Variants in DROSHA observed in about 807,000 individuals in gnomAD.
DROSHA encodes the protein drosha ribonuclease III, also known as ribonuclease 3.
DROSHA carries 56 observed loss-of-function variants against 181.9 expected under a neutral mutation model. The ratio of observed to expected loss-of-function variants is 0.31; its 90% CI spans 0.25 to 0.38. DROSHA has a LOEUF of 0.38. Among genes scored for constraint, DROSHA ranks in the 10% least tolerant of loss-of-function variants. The pLI, the probability that DROSHA is intolerant of heterozygous loss-of-function variation, is 1.00. For missense variants in DROSHA, 1,218 were observed against 1,743.5 expected (o/e 0.70, Z 5.37); for synonymous variants, 524 against 591.2 (o/e 0.89, Z 1.65).
rs925934508 is a variant in DROSHA, at chr5:31,511,016, G to A, written c.1432+19C>T. The A allele has an allele frequency of 6.2e-7, 1 of 1,613,672 alleles. No individual in the cohort carries two copies. Among genetic ancestry groups the A allele is most frequent in the South Asian group, 1.1e-5 (1 of 90,960 alleles). On this transcript the variant is annotated intron_variant, in intron 9 of 35. Coordinates refer to ENST00000344624, the MANE Select transcript of DROSHA (RefSeq NM_001382508.1). ...CTATAATCGCAAGGGTCTCAGGCTA[G>A]TTAGTGACTCTGACTCACCTAAATC... is the stretch of plus-strand genomic sequence containing the variant.
intron 23 of DROSHA, among the ~76,000 whole-genome samples, chr5:31,439,285 TGC>T (rs1745261969): frequency 6.6e-6 from 1 of 152,232 alleles, no homozygotes; most frequent in Non-Finnish European, 1.5e-5. Context: ...TAAAATCCTG[TGC>T]TGTCCCACCC....
intron 4 of DROSHA, among the ~76,000 whole-genome samples, chr5:31,527,731 C>T (rs564056502): frequency 6.6e-6 from 1 of 152,212 alleles, no homozygotes; most frequent in Non-Finnish European, 1.5e-5. Context: ...CCTGGCTGTG[C>T]TGGTACCCTG....
intron 17 of DROSHA, among the ~76,000 whole-genome samples, chr5:31,471,693 C>A (rs1177030159): frequency 4.6e-5 from 7 of 152,074 alleles, no homozygotes; most frequent in Admixed American, 4.6e-4. Flanking sequence ...TGAACTAAGA[C>A]ATTTCCCGCC....
intron 16 of DROSHA, among the ~76,000 whole-genome samples, chr5:31,473,779 A>G (rs1750033946): frequency 6.6e-6 from 1 of 152,224 alleles, no homozygotes; most frequent in Admixed American, 6.5e-5. Context: ...GAGGAGAAGA[A>G]AGAGCAAATG....
chr5:31,498,179 A>G (rs1034395069), intron 11 of DROSHA, among the ~76,000 whole-genome samples: 7 of 152,168 alleles, frequency 4.6e-5, no homozygotes, highest in African/African-American at 1.4e-4. Context: ...ACAGGCTGAC[A>G]CGGACAACAC....
intron 18 of DROSHA, among the ~76,000 whole-genome samples, chr5:31,466,646 T>G (rs899618063): frequency 6.6e-6 from 1 of 152,182 alleles, no homozygotes; most frequent in Non-Finnish European, 1.5e-5. Context: ...ATATACACTT[T>G]CTGATATTTG....
At chr5:31,499,965 G>T (rs10065450) in intron 11 of DROSHA, among the ~76,000 whole-genome samples, 9,922 of 152,190 alleles carry the variant, frequency 0.065, 1,083 homozygotes, top group African/African-American at 0.23. Flanking sequence ...CCTGTGAGAG[G>T]GGCCAAGCCT....
intron 28 of DROSHA, 186 bp from the exon 29 acceptor site, chr5:31,423,130 G>A (rs956516995): frequency 3.6e-6 from 2 of 552,422 alleles, no homozygotes; most frequent in Non-Finnish European, 3.0e-6. Context: ...ATTTAAAGAA[G>A]GTTCAAATAA....
Position 31,422,896 on chromosome 5 carries a change from G to A in DROSHA, c.3310C>T (p.Leu1104=). Residue 1104 remains leucine (L), a synonymous_variant, in exon 29 of 36, where the codon CTA becomes TTA. Transcript: ENST00000344624. ...TCTTCAAACTCAGTAAGTTTTTGTAGAACTGGAGAAGTTTCAATAAGTTGT... is the reference window on the plus strand; with the variant it reads ...TCTTCAAACTCAGTAAGTTTTTGTAAAACTGGAGAAGTTTCAATAAGTTGT... ...DRQLIETSPV[L]QKLTEFEEAI... 6.2e-7 allele frequency: 1 copy of A among 1,612,364 alleles called. No individual in the cohort carries two copies. Among genetic ancestry groups the A allele is most frequent in the Non-Finnish European group, 8.5e-7 (1 of 1,179,268 alleles).
intron 11 of DROSHA, among the ~76,000 whole-genome samples, chr5:31,500,794 C>T (rs949799456): frequency 1.3e-5 from 2 of 152,274 alleles, no homozygotes; most frequent in East Asian, 3.9e-4. Flanking sequence ...GTGCTGGAAG[C>T]CAGGCCAAAG....
Position 31,485,063 on chromosome 5 carries a change from A to G in DROSHA, c.1915-101T>C, listed in dbSNP as rs537276357. 100 of 783,992 alleles carry G rather than the reference A, an allele frequency of 1.3e-4. No homozygotes were observed. The African/African-American group carries it at 1.7e-3, about 13-fold the overall frequency. 48.6% of individuals were successfully genotyped at this position (783,992 alleles called of 1,614,324 possible). On this transcript the variant is annotated intron_variant, in intron 14 of 35. Transcript: ENST00000344624. ...CAAGTGTCTTTAAAAGTGTCTGTTA[A>G]AACTATACTAAGACCATATAGTTTC...
intron 31 of DROSHA, 31 bp downstream of exon 31, chr5:31,410,715 G>C (rs753692237): frequency 6.2e-7 from 1 of 1,604,284 alleles, no homozygotes; most frequent in South Asian, 1.1e-5. Context: ...CTCTGAACCT[G>C]GAGGTTGAGA....
At chr5:31,478,595 A>G (rs1486594588) in intron 16 of DROSHA, among the ~76,000 whole-genome samples, 2 of 152,164 alleles carry the variant, frequency 1.3e-5, no homozygotes, top group South Asian at 4.1e-4. Context: ...TTAGCCAGGC[A>G]TGGTGGCAGG....
At chr5:31,421,180 A>T in intron 30 of DROSHA, 92 bp downstream of exon 30, 1 of 992,910 alleles carries the variant, frequency 1.0e-6, no homozygotes, top group Non-Finnish European at 1.5e-6. Flanking sequence ...ACTAAGAGTA[A>T]GAAATTAATT....
intron 16 of DROSHA, among the ~76,000 whole-genome samples, chr5:31,482,327 G>A (rs1751126873): frequency 6.6e-6 from 1 of 152,100 alleles, no homozygotes; most frequent in African/African-American, 2.4e-5. Flanking sequence ...AGGCAGCTAA[G>A]ACAGCTAGAA....
chr5:31,465,295 T>C (rs571298496), intron 19 of DROSHA, among the ~76,000 whole-genome samples: 64 of 152,188 alleles, frequency 4.2e-4, no homozygotes, highest in Non-Finnish European at 8.2e-4. Flanking sequence ...AAAACGTAAG[T>C]TATCCTGGAT....
At chr5:31,527,017 A>G (rs1252621847) in intron 4 of DROSHA, 105 bp from the exon 5 acceptor site, 1 of 1,071,134 alleles carries the variant, frequency 9.3e-7, no homozygotes, top group Non-Finnish European at 1.3e-6. Context: ...CAACTCAAAG[A>G]CCCCCTAGTC....
At position 31,410,534 on chromosome 5, in the gene DROSHA, G is replaced by A. The variant is rs563345992; in HGVS notation, c.3667+212C>T. Among the ~76,000 whole-genome samples, 104 of 152,318 alleles carry A rather than the reference G, an allele frequency of 6.8e-4. 1 individual carries two copies. The highest frequency in any genetic ancestry group is 3.4e-3 in the Middle Eastern group (1 of 294). ...AGGGGTATGTGTTGGGGGTACCACT[G>A]AACATAGATTGAACATAAAAATTCA... On this transcript the variant is annotated intron_variant, in intron 31 of 35. Transcript: ENST00000344624.
At chr5:31,524,372 C>A (rs765789044) in intron 5 of DROSHA, among the ~76,000 whole-genome samples, 1 of 152,172 alleles carries the variant, frequency 6.6e-6, no homozygotes, top group African/African-American at 2.4e-5. Context: ...CAACAAGAAC[C>A]AAGACCAGCT....
Sources: allele counts gnomAD v4.1 joint callset (sites outside exome capture counted in the v4.1 genomes callset), GRCh38; gene constraint gnomAD v4.1.1; transcripts MANE v1.5; gene names NCBI Gene and HGNC (gene_info 2026-07-23, HGNC 2026-07-21).